WDR27: variants seen among roughly 807,000 people sequenced by gnomAD.
The protein encoded by WDR27 is WD repeat-containing protein 27.
WDR27 carries 100 observed loss-of-function variants against 114.4 expected under a neutral mutation model. That is an observed-to-expected ratio of 0.87 (90% CI 0.74 to 1.03). The LOEUF (loss-of-function observed/expected upper bound fraction) is 1.03. Among genes scored for constraint, WDR27 ranks in the 50% least tolerant of loss-of-function variants. The pLI, the probability that WDR27 is intolerant of heterozygous loss-of-function variation, is 0.00. For synonymous variants in WDR27, 449 were observed against 423.1 expected (o/e 1.06, Z -0.75); for missense variants, 1,129 against 1,092.9 (o/e 1.03, Z -0.47).
intron 1 of WDR27, among the ~76,000 whole-genome samples, chr6:169,695,966 G>A (rs1421910753): frequency 6.6e-6 from 1 of 152,150 alleles, no homozygotes; most frequent in Non-Finnish European, 1.5e-5. Flanking sequence ...GGCACAGAAA[G>A]GAGTTTTCAC....
At chr6:169,471,855 G>T (rs559367291) in intron 25 of WDR27, among the ~76,000 whole-genome samples, 1 of 152,296 alleles carries the variant, frequency 6.6e-6, no homozygotes, top group East Asian at 1.9e-4. Flanking sequence ...CATGGTACCA[G>T]CAGATTTGGT....
At chr6:169,658,392 C>T (rs750816474) in intron 12 of WDR27, 34 bp from the exon 13 acceptor site, 14 of 1,504,714 alleles carry the variant, frequency 9.3e-6, no homozygotes, top group Middle Eastern at 1.7e-4. Flanking sequence ...AAACTAGGAG[C>T]GCAAACGACG....
Position 169,537,386 on chromosome 6 carries a change from C to A in WDR27, c.2645+35033G>T, listed in dbSNP as rs1796309066. 2.6e-5 allele frequency among the ~76,000 whole-genome samples: 4 copies of A among 152,278 alleles called. No homozygotes were observed. In the South Asian group the frequency reaches 8.3e-4, roughly 32 times the overall value. ...TTTAAATTGGGTGGTCAGAGAAGGA[C>A]TCTCTGAAGGTATGATTTAGGACCT... On this transcript the variant is annotated intron_variant, in intron 25 of 25. Coordinates refer to ENST00000448612, the MANE Select transcript of WDR27 (RefSeq NM_182552.5).
intron 25 of WDR27, among the ~76,000 whole-genome samples, chr6:169,499,706 G>A (rs1344099744): frequency 1.3e-5 from 2 of 152,222 alleles, no homozygotes; most frequent in Admixed American, 1.3e-4. Context: ...ACAGGAGAAG[G>A]CACTGCCACA....
At chr6:169,698,857 T>A (rs1787005995) in intron 1 of WDR27, among the ~76,000 whole-genome samples, 1 of 152,246 alleles carries the variant, frequency 6.6e-6, no homozygotes, top group Non-Finnish European at 1.5e-5. Flanking sequence ...CAGGCTGGAC[T>A]GTTGTGTAAG....
chr6:169,552,502 T>G (rs1356456546), intron 25 of WDR27, among the ~76,000 whole-genome samples: 1 of 152,170 alleles, frequency 6.6e-6, no homozygotes, highest in Non-Finnish European at 1.5e-5. Flanking sequence ...AGTAGCTCCC[T>G]CATAAACTTT....
intron 17 of WDR27, among the ~76,000 whole-genome samples, chr6:169,642,634 A>G (rs937282154): frequency 6.6e-5 from 10 of 152,102 alleles, no homozygotes; most frequent in Non-Finnish European, 1.5e-4. Context: ...TTGCTCATGC[A>G]GGAGCCGAGC....
At chr6:169,668,407 T>G (rs552322322) in intron 4 of WDR27, among the ~76,000 whole-genome samples, 1 of 152,302 alleles carries the variant, frequency 6.6e-6, no homozygotes, top group East Asian at 1.9e-4. Context: ...CCCATGCATC[T>G]GCCCTGAGGC....
rs368800707 is a variant in WDR27 at position 169,462,490 on chromosome 6, GAGAA to G, written c.2646-4860_2646-4857del. Among the ~76,000 whole-genome samples, 548 of 149,954 alleles carry G rather than the reference GAGAA, an allele frequency of 3.7e-3. 4 individuals are homozygous for G. Among genetic ancestry groups the G allele is most frequent in the African/African-American group, 9.6e-3 (382 of 39,664 alleles). ...AGGGAGGAGAGGGGGGAGAGAGAGAGAGAAAGAAAGAAAGAAAGAAAGAGTAGAT... is the reference window on the plus strand; with the variant it reads ...AGGGAGGAGAGGGGGGAGAGAGAGAGAGAAAGAAAGAAAGAAAGAGTAGAT... On this transcript the variant is annotated intron_variant, in intron 25 of 25. Transcript: ENST00000448612.
the WDR27 span, among the ~76,000 whole-genome samples, chr6:169,438,853 A>T: frequency 1.3e-5 from 2 of 152,176 alleles, no homozygotes; most frequent in African/African-American, 2.4e-5. Context: ...ACTACTTAGA[A>T]AAACTAGGTC....
At chr6:169,658,190 G>A in intron 13 of WDR27, 86 bp downstream of exon 13, 1 of 1,056,442 alleles carries the variant, frequency 9.5e-7, no homozygotes, top group Non-Finnish European at 1.4e-6. Context: ...TTTAACATAA[G>A]AATTCGCAAA....
At chr6:169,516,364 A>C (rs945417403) in intron 25 of WDR27, among the ~76,000 whole-genome samples, 24 of 152,174 alleles carry the variant, frequency 1.6e-4, no homozygotes, top group African/African-American at 5.8e-4. Context: ...CTCATTCACA[A>C]AGACTTTAAT....
chr6:169,618,325 A>G (rs1474664065), intron 21 of WDR27, among the ~76,000 whole-genome samples: 1 of 152,214 alleles, frequency 6.6e-6, no homozygotes, highest in African/African-American at 2.4e-5. Context: ...TTTTATTCAG[A>G]GGCAGGCAAA....
In WDR27 at chr6:169,638,749, C is replaced by A. The variant is rs895363764; in HGVS notation, c.1748-89G>T. 4.8e-5 allele frequency: 70 copies of A among 1,471,480 alleles called. No individual in the cohort carries two copies. In the East Asian group the frequency reaches 1.8e-3, roughly 37 times the overall value. 91.2% of individuals were successfully genotyped at this position (1,471,480 alleles called of 1,614,324 possible). On this transcript the variant is annotated intron_variant, in intron 17 of 25. Transcript: ENST00000448612. ...ACTTATCTGGTACTTTCATACAACA[C>A]AACTGGAACAGCATTTTTCAAGTAA...
intron 25 of WDR27, among the ~76,000 whole-genome samples, chr6:169,539,627 C>A (rs996587786): frequency 2.0e-5 from 3 of 152,200 alleles, no homozygotes; most frequent in African/African-American, 7.2e-5. Flanking sequence ...TCCCCACTCA[C>A]AAGCCTGTTC....
At position 169,659,260 on chromosome 6, in the gene WDR27, C is replaced by G. The variant is rs188960089; in HGVS notation, c.1198-53G>C. On this transcript the variant is annotated intron_variant, in intron 11 of 25. Transcript: ENST00000448612. This position sits in a 1 kb window ranked among gnomAD's most constrained non-coding sequence, Gnocchi z 4.3. ...AGCGACACCACCCAGTAAAAGCAGA[C>G]GAAACGTGCATCCGCACACGTATCC... 1 of 1,559,448 alleles carries G rather than the reference C, an allele frequency of 6.4e-7. No individual in the cohort carries two copies. Among genetic ancestry groups the G allele is most frequent in the East Asian group, 2.3e-5 (1 of 44,202 alleles).
At chr6:169,430,826 G>T in the WDR27 span, among the ~76,000 whole-genome samples, 3 of 152,168 alleles carry the variant, frequency 2.0e-5, no homozygotes, top group Non-Finnish European at 4.4e-5. Flanking sequence ...AGTTTTTCCC[G>T]GTGGGGAGGA....
chr6:169,582,984 C>CT, intron 23 of WDR27, 50 bp from the exon 24 acceptor site: 2 of 1,545,180 alleles, frequency 1.3e-6, no homozygotes, highest in Non-Finnish European at 1.8e-6. Flanking sequence ...AGTCAGGAAT[C>CT]ACCTGTAAGC....
intron 25 of WDR27, among the ~76,000 whole-genome samples, chr6:169,458,312 C>T (rs951148411): frequency 6.6e-6 from 1 of 152,102 alleles, no homozygotes; most frequent in Non-Finnish European, 1.5e-5. Context: ...CTCTGATCAG[C>T]GATGGATGCT....
Sources: allele counts gnomAD v4.1 joint callset (sites outside exome capture counted in the v4.1 genomes callset), GRCh38; gene constraint gnomAD v4.1.1; non-coding constraint Gnocchi (gnomAD v3.1); transcripts MANE v1.5; gene names NCBI Gene and HGNC (gene_info 2026-07-23, HGNC 2026-07-21).